VWA8: variants seen among roughly 807,000 people sequenced by gnomAD.
VWA8 encodes the protein von Willebrand factor A domain-containing protein 8.
In VWA8, 221 loss-of-function variants were observed where a neutral mutation model predicts 241.5. That is an observed-to-expected ratio of 0.91 (90% CI 0.82 to 1.02). The LOEUF (loss-of-function observed/expected upper bound fraction) is 1.02, where lower values mean the gene tolerates loss of function less well. Among genes scored for constraint, VWA8 ranks in the 50% least tolerant of loss-of-function variants. The pLI, the probability that VWA8 is intolerant of heterozygous loss-of-function variation, is 0.00. For missense variants in VWA8, 2,322 were observed against 2,328.7 expected, an observed-to-expected ratio of 1.00 and a Z score of 0.06; for synonymous variants, 852 against 827.1, an observed-to-expected ratio of 1.03 and a Z score of -0.52.
intron 35 of VWA8, among the ~76,000 whole-genome samples, chr13:41,684,223 A>T (rs1445140557): frequency 1.3e-5 from 2 of 152,184 alleles, no homozygotes; most frequent in Non-Finnish European, 2.9e-5. Flanking sequence ...AAATGTTATC[A>T]TATAATCAGA....
chr13:41,943,711 T>G (rs1193905401), intron 2 of VWA8, among the ~76,000 whole-genome samples: 2 of 152,170 alleles, frequency 1.3e-5, no homozygotes, highest in Non-Finnish European at 2.9e-5. Flanking sequence ...AGTGGGCAAC[T>G]GACTTTAATA....
chr13:41,604,916 A>G (rs887974560), intron 40 of VWA8, among the ~76,000 whole-genome samples: 1 of 152,146 alleles, frequency 6.6e-6, no homozygotes, highest in Non-Finnish European at 1.5e-5. Context: ...GAGCTTTGTG[A>G]AACTGCAAAA....
Position 41,830,597 on chromosome 13 carries a change from C to T in VWA8, c.1632G>A (p.Leu544=), listed in dbSNP as rs781160627. ...AACGCATATACCTGTCTTCTCTCAG[C>T]AGCCTAGAACCATCATAGAGGCTTA... The part of the protein sequence containing the change: ...RELSLYDGSR[L]LREDRYMRLK... The change falls in exon 14 of 45, where the codon CTG becomes CTA. Residue 544 remains leucine, a synonymous_variant. Transcript: ENST00000379310. 1.9e-6 allele frequency: 3 copies of T among 1,613,870 alleles called. No homozygotes were observed. Among genetic ancestry groups the T allele is most frequent in the South Asian group, 1.1e-5 (1 of 91,068 alleles).
Position 41,727,193 on chromosome 13 carries a change from C to T in VWA8, c.2758+1G>A. On this transcript the variant is annotated splice_donor_variant, in intron 24 of 44. Coordinates refer to ENST00000379310, the MANE Select transcript of VWA8 (RefSeq NM_015058.2). LOFTEE classifies it high-confidence loss of function. ...ATTGTTATTATCATTACTGTTTTTA[C>T]CTAAGGTACCGAAGAAATCATTGCC... 1.3e-6 allele frequency: 2 copies of T among 1,540,628 alleles called. No homozygotes were observed. Among genetic ancestry groups the T allele is most frequent in the Non-Finnish European group, 1.7e-6 (2 of 1,143,148 alleles).
intron 12 of VWA8, among the ~76,000 whole-genome samples, chr13:41,851,539 G>C (rs117337426): frequency 1.3e-5 from 2 of 152,102 alleles, no homozygotes; most frequent in African/African-American, 4.8e-5. Context: ...TGCTGTTCTC[G>C]TGGTAGTGAA....
At position 41,915,994 on chromosome 13, in the gene VWA8, A is replaced by G. The variant is rs577533129; in HGVS notation, c.242-3826T>C. Among the ~76,000 whole-genome samples the G allele has an allele frequency of 1.7e-3, 259 of 152,326 alleles. 2 individuals carry two copies. Among genetic ancestry groups the G allele is most frequent in the African/African-American group, 5.7e-3 (237 of 41,582 alleles). ...CTAGAAAGCAGCAGACCTATTGTATAAAGACACAGATTCAAGACAGATTGG... is the reference window on the plus strand; with the variant it reads ...CTAGAAAGCAGCAGACCTATTGTATGAAGACACAGATTCAAGACAGATTGG... On this transcript the variant is annotated intron_variant, in intron 2 of 44. Coordinates refer to ENST00000379310, the MANE Select transcript of VWA8 (RefSeq NM_015058.2).
At chr13:41,864,262 CTTAAAAAA>C (rs1338806839) in intron 12 of VWA8, among the ~76,000 whole-genome samples, 1 of 152,054 alleles carries the variant, frequency 6.6e-6, no homozygotes, top group Non-Finnish European at 1.5e-5. Context: ...TTATTGGCTC[CTTAAAAAA>C]TTAAACGCAG....
intron 37 of VWA8, among the ~76,000 whole-genome samples, chr13:41,639,448 C>T (rs948966210): frequency 3.3e-5 from 5 of 152,162 alleles, no homozygotes; most frequent in Admixed American, 2.6e-4. Context: ...TCCGTCCTTT[C>T]CATATTGTCC....
chr13:41,578,520 A>C (rs1056439484), intron 42 of VWA8, among the ~76,000 whole-genome samples: 1 of 152,158 alleles, frequency 6.6e-6, no homozygotes, highest in African/African-American at 2.4e-5. Context: ...TGATTTGCTA[A>C]TCCTGAAAAT....
At chr13:41,725,579 G>A (rs1193707353) in intron 24 of VWA8, among the ~76,000 whole-genome samples, 7 of 152,106 alleles carry the variant, frequency 4.6e-5, no homozygotes, top group Admixed American at 4.6e-4. Flanking sequence ...GAATGAAAGC[G>A]AGTAAAGGGC....
At chr13:41,746,551 A>G (rs2045608477) in intron 21 of VWA8, among the ~76,000 whole-genome samples, 1 of 152,216 alleles carries the variant, frequency 6.6e-6, no homozygotes, top group Non-Finnish European at 1.5e-5. Flanking sequence ...GGGGAGGAAC[A>G]TCATCTAAAG....
intron 4 of VWA8, chr13:41,905,324 A>G (rs1314542121): frequency 6.6e-6 from 1 of 152,046 alleles, no homozygotes; most frequent in Non-Finnish European, 1.5e-5. Context: ...ATTTTTCATT[A>G]CAAAACTGGA....
In VWA8 at chr13:41,578,388, C is replaced by T. The variant is rs79323479; in HGVS notation, c.5272-2550G>A. Among the ~76,000 whole-genome samples, 28 of 152,156 alleles carry T rather than the reference C, an allele frequency of 1.8e-4. 1 individual carries two copies. In the East Asian group the frequency reaches 4.8e-3, roughly 26 times the overall value. On this transcript the variant is annotated intron_variant, in intron 42 of 44. Coordinates refer to ENST00000379310, the MANE Select transcript of VWA8 (RefSeq NM_015058.2). Reference sequence around the variant, plus strand: ...GCTTGGGAGGAATCTAAAGTACATCCAAATGTGGACCATTCCCTGGCGTTA... The same window carrying T: ...GCTTGGGAGGAATCTAAAGTACATCTAAATGTGGACCATTCCCTGGCGTTA...
chr13:41,626,753 C>T (rs181373322), intron 37 of VWA8, among the ~76,000 whole-genome samples: 103 of 152,164 alleles, frequency 6.8e-4, no homozygotes, highest in Non-Finnish European at 1.3e-3. Context: ...CCTTTCACCA[C>T]ATACAAAAAT....
At chr13:41,581,414 T>G (rs2044382976) in intron 42 of VWA8, among the ~76,000 whole-genome samples, 1 of 152,214 alleles carries the variant, frequency 6.6e-6, no homozygotes, top group Non-Finnish European at 1.5e-5. Context: ...ACACAATGGC[T>G]TTCTAATTCT....
At chr13:41,608,375 C>T (rs2044566154) in intron 39 of VWA8, among the ~76,000 whole-genome samples, 1 of 152,152 alleles carries the variant, frequency 6.6e-6, no homozygotes, top group South Asian at 2.1e-4. Flanking sequence ...GTACCCATTG[C>T]TAATACTCTC....
At chr13:41,689,893 T>C (rs577678239) in intron 33 of VWA8, among the ~76,000 whole-genome samples, 1 of 152,214 alleles carries the variant, frequency 6.6e-6, no homozygotes, top group African/African-American at 2.4e-5. Flanking sequence ...AGAAAAAAGA[T>C]GTTATCCTAA....
At chr13:41,960,248 A>G (rs926240895) in intron 1 of VWA8, among the ~76,000 whole-genome samples, 1 of 152,230 alleles carries the variant, frequency 6.6e-6, no homozygotes, top group Non-Finnish European at 1.5e-5. Context: ...CTGGGTTTCA[A>G]TTACCTCATT....
intron 37 of VWA8, among the ~76,000 whole-genome samples, chr13:41,619,054 T>C (rs928613000): frequency 3.3e-5 from 5 of 152,226 alleles, no homozygotes; most frequent in African/African-American, 1.2e-4. Context: ...AATCTGTAAA[T>C]TGCCTTGGGC....
Sources: gnomAD v4.1 joint callset for allele counts (sites outside exome capture counted in the v4.1 genomes callset) on GRCh38, gnomAD v4.1.1 for gene constraint, MANE v1.5 for transcripts, NCBI Gene and HGNC (gene_info 2026-07-23, HGNC 2026-07-21) for gene names.